The following COL25A1 variants were observed in gnomAD, a reference collection of about 807,000 sequenced individuals.
The protein encoded by COL25A1 is collagen alpha-1(XXV) chain.
In COL25A1, 103 loss-of-function variants were observed where a neutral mutation model predicts 128.4. The ratio of observed to expected loss-of-function variants is 0.80; its 90% CI spans 0.68 to 0.94. COL25A1 has a LOEUF of 0.94. Among genes scored for constraint, COL25A1 ranks in the 40% least tolerant of loss-of-function variants. The pLI, the probability that COL25A1 is intolerant of heterozygous loss-of-function variation, is 0.00. For synonymous variants in COL25A1, 279 were observed against 277.2 expected, an observed-to-expected ratio of 1.01 and a Z score of -0.06; for missense variants, 745 against 840.0, an observed-to-expected ratio of 0.89 and a Z score of 1.40.
In COL25A1 at chr4:109,119,188, A is replaced by G. The variant is rs532481792; in HGVS notation, c.368-69009T>C. On this transcript the variant is annotated intron_variant, in intron 3 of 37. Coordinates refer to ENST00000399132, the MANE Select transcript of COL25A1 (RefSeq NM_198721.4). ...GAAAATAAAAATAGACCTTACCAAA[A>G]TTTGTGGAATGTAGTGAAAGCAGTG... Among the ~76,000 whole-genome samples, 7 of 152,138 alleles carry G rather than the reference A, an allele frequency of 4.6e-5. No individual in the cohort carries two copies. The South Asian group carries it at 1.4e-3, about 32-fold the overall frequency.
chr4:108,995,725 C>A (rs886956054), intron 6 of COL25A1, among the ~76,000 whole-genome samples: 1 of 152,204 alleles, frequency 6.6e-6, no homozygotes, highest in African/African-American at 2.4e-5. Flanking sequence ...AGAGAAAGGT[C>A]AGGTTACCCA....
In COL25A1 at chr4:109,010,500, C is replaced by T. The variant is rs1410358848; in HGVS notation, c.421-125G>A. ...ATTTCTGAAGATAATATCCTAACTACTGACAGATTTCACTTGTGGCTTTAA... is the reference window on the plus strand; with the variant it reads ...ATTTCTGAAGATAATATCCTAACTATTGACAGATTTCACTTGTGGCTTTAA... On this transcript the variant is annotated intron_variant, in intron 5 of 37. Transcript: ENST00000399132. The T allele has an allele frequency of 1.5e-5, 10 of 646,254 alleles. No individual in the cohort carries two copies. In the South Asian group the frequency reaches 1.9e-4, roughly 12 times the overall value. 40.0% of individuals were successfully genotyped at this position (646,254 alleles called of 1,614,324 possible). A position where few individuals can be genotyped will look rare whatever the true frequency, so the allele number is the denominator to read the frequency against.
intron 3 of COL25A1, among the ~76,000 whole-genome samples, chr4:109,197,242 T>G (rs1196337230): frequency 6.8e-6 from 1 of 148,144 alleles, no homozygotes; most frequent in African/African-American, 2.5e-5. Flanking sequence ...AGGAGGATCA[T>G]TTGAGCCCAG....
At chr4:109,254,645 A>C (rs886710058) in intron 3 of COL25A1, among the ~76,000 whole-genome samples, 14 of 151,258 alleles carry the variant, frequency 9.3e-5, no homozygotes, top group African/African-American at 3.4e-4. Context: ...TGTCTCCAAC[A>C]ATGTTTACAC....
chr4:109,021,350 G>A (rs1757735584), intron 5 of COL25A1, among the ~76,000 whole-genome samples: 1 of 152,176 alleles, frequency 6.6e-6, no homozygotes, highest in Non-Finnish European at 1.5e-5. Context: ...ACTGGCTGGA[G>A]CAGCGGCAGA....
In COL25A1 at chr4:108,889,331, A is replaced by G. The variant is rs950927249; in HGVS notation, c.940-75T>C. On this transcript the variant is annotated intron_variant, in intron 17 of 37. Transcript: ENST00000399132. ...TAAAACACTTAGACCTCTGGGCACC[A>G]TCACAGGGATGGCCTAGCCCCCTTC... The G allele has an allele frequency of 5.0e-6, 7 of 1,405,420 alleles. No homozygotes were observed. In the African/African-American group the frequency reaches 8.5e-5, roughly 17 times the overall value. The allele number at this position is 1,405,420 out of a possible 1,614,324, so 87.1% of individuals were successfully genotyped here.
At position 108,846,238 on chromosome 4, in the gene COL25A1, G is replaced by T. The variant is rs1359352575; in HGVS notation, c.1435-19C>A. ...TGAGTCCCTAAAAATGATAGACAAG[G>T]TTGGCATGTAAGCAGCATAATGACC... On this transcript the variant is annotated intron_variant, in intron 27 of 37. Transcript: ENST00000399132. The T allele has an allele frequency of 4.6e-6, 7 of 1,533,212 alleles. No individual in the cohort carries two copies. The highest frequency in any genetic ancestry group is 4.5e-5 in the East Asian group (2 of 44,448). 95.0% of individuals were successfully genotyped at this position (1,533,212 alleles called of 1,614,324 possible).
At chr4:109,020,680 T>C (rs994317288) in intron 5 of COL25A1, among the ~76,000 whole-genome samples, 8 of 152,204 alleles carry the variant, frequency 5.3e-5, no homozygotes, top group South Asian at 4.1e-4. Context: ...AATACCATAT[T>C]TATTTTTTCT....
chr4:109,000,109 G>A (rs1212032949), intron 6 of COL25A1, among the ~76,000 whole-genome samples: 1 of 151,266 alleles, frequency 6.6e-6, no homozygotes, highest in Non-Finnish European at 1.5e-5. Context: ...AGAACTTAAA[G>A]TATAACAATA....
chr4:109,165,921 T>C (rs2704115), intron 3 of COL25A1, among the ~76,000 whole-genome samples: 81 of 152,334 alleles, frequency 5.3e-4, no homozygotes, highest in African/African-American at 1.9e-3. Context: ...TGAGCTGAAA[T>C]ATCTTTAGTA....
intron 13 of COL25A1, among the ~76,000 whole-genome samples, chr4:108,912,686 G>A (rs1744371821): frequency 6.6e-6 from 1 of 152,162 alleles, no homozygotes; most frequent in African/African-American, 2.4e-5. Flanking sequence ...TATAGTAAGT[G>A]AATGGGGGAT....
intron 3 of COL25A1, among the ~76,000 whole-genome samples, chr4:109,275,590 G>T (rs1208551074): frequency 6.6e-6 from 1 of 152,208 alleles, no homozygotes; most frequent in Non-Finnish European, 1.5e-5. Context: ...GAGGATGGCT[G>T]AGGGCTTCTG....
In COL25A1 at chr4:109,213,029, G is replaced by C. The variant is rs572039251; in HGVS notation, c.367+87554C>G. 1.3e-4 allele frequency among the ~76,000 whole-genome samples: 20 copies of C among 152,238 alleles called. No homozygotes were observed. In the South Asian group the frequency reaches 3.7e-3, roughly 28 times the overall value. On this transcript the variant is annotated intron_variant, in intron 3 of 37. Transcript: ENST00000399132. ...TTGGAGACCACTGACAGGGTGTCCT[G>C]TTTCTGTCCAGACATGGGGATGACT...
Position 109,067,510 on chromosome 4 carries a change from G to A in COL25A1, c.368-17331C>T, listed in dbSNP as rs1268008505. On this transcript the variant is annotated intron_variant, in intron 3 of 37. Transcript: ENST00000399132. ...GAGTGTTTTTAAAAATATTTCCATT[G>A]GACAATATTTTGGTGCCAGACAGGA... Among the ~76,000 whole-genome samples the A allele has an allele frequency of 2.0e-5, 3 of 152,080 alleles. No homozygotes were observed. In the East Asian group the frequency reaches 5.8e-4, roughly 29 times the overall value.
At chr4:109,210,198 G>C (rs1313145221) in intron 3 of COL25A1, among the ~76,000 whole-genome samples, 1 of 151,962 alleles carries the variant, frequency 6.6e-6, no homozygotes, top group Non-Finnish European at 1.5e-5. Flanking sequence ...ATCACTAAGA[G>C]GTAAAAGGCT....
chr4:109,064,600 G>A (rs1306290392), intron 3 of COL25A1, among the ~76,000 whole-genome samples: 1 of 152,064 alleles, frequency 6.6e-6, no homozygotes, highest in Non-Finnish European at 1.5e-5. Context: ...ATATTGATTT[G>A]AATCATTCCT....
chr4:109,181,254 GATC>G (rs1250745252), intron 3 of COL25A1, among the ~76,000 whole-genome samples: 1 of 152,068 alleles, frequency 6.6e-6, no homozygotes, highest in Non-Finnish European at 1.5e-5. Flanking sequence ...AAAAGCTATG[GATC>G]ATCTCCCTGA....
At chr4:108,909,665 G>A (rs908365336) in intron 13 of COL25A1, among the ~76,000 whole-genome samples, 1 of 152,124 alleles carries the variant, frequency 6.6e-6, no homozygotes, top group Non-Finnish European at 1.5e-5. Context: ...GAAGTTTGTG[G>A]GGAGATCACG....
chr4:109,220,662 T>C (rs1560890384), intron 3 of COL25A1, among the ~76,000 whole-genome samples: 1 of 152,192 alleles, frequency 6.6e-6, no homozygotes, highest in African/African-American at 2.4e-5. Context: ...CTGATGAGGA[T>C]AATGTTACTA....
Sources: gnomAD v4.1 joint callset for allele counts (sites outside exome capture counted in the v4.1 genomes callset) on GRCh38, gnomAD v4.1.1 for gene constraint, MANE v1.5 for transcripts, NCBI Gene and HGNC (gene_info 2026-07-23, HGNC 2026-07-21) for gene names.